Variants in CHIC1 observed in about 807,000 individuals in gnomAD.
CHIC1 encodes the protein cysteine-rich hydrophobic domain-containing protein 1.
A neutral mutation model predicts 18.5 loss-of-function variants in CHIC1; 7 were observed. The observed-to-expected ratio is 0.38, with a 90% CI of 0.22 to 0.71. The LOEUF is 0.71. Among genes scored for constraint, CHIC1 ranks in the 30% least tolerant of loss-of-function variants. The pLI is 0.49. For missense variants in CHIC1, 159 were observed against 176.9 expected, an observed-to-expected ratio of 0.90 and a Z score of 0.57; for synonymous variants, 77 against 73.5, an observed-to-expected ratio of 1.05 and a Z score of -0.25.
chrX:73,628,492 A>G (rs1348854996), intron 3 of CHIC1, among the ~76,000 whole-genome samples: 1 of 111,941 alleles, frequency 8.9e-6, no homozygotes, highest in Non-Finnish European at 1.9e-5. Flanking sequence ...CCCTCTGGCT[A>G]GGGCTGGTTT....
At chrX:73,613,456 T>A (rs1295993991) in intron 3 of CHIC1, among the ~76,000 whole-genome samples, 1 of 111,213 alleles carries the variant, frequency 9.0e-6, no homozygotes, top group Non-Finnish European at 1.9e-5. Context: ...GCTTCCTCTC[T>A]TATCATATGA....
At position 73,563,264 on chromosome X, in the gene CHIC1, C is replaced by G; in HGVS notation, c.-21C>G. 1 of 1,093,085 alleles carries G rather than the reference C, an allele frequency of 9.1e-7. No individual in the cohort carries two copies. Among genetic ancestry groups the G allele is most frequent in the Non-Finnish European group, 1.2e-6 (1 of 835,332 alleles). 90.1% of individuals were successfully genotyped at this position (1,093,085 alleles called of 1,213,427 possible). A position where few individuals can be genotyped will look rare whatever the true frequency, so the allele number is the denominator to read the frequency against. On this transcript the variant is annotated 5_prime_UTR_variant, in exon 1 of 6. Transcript: ENST00000373502. Reference sequence around the variant, plus strand: ...TTCAAACTCTTCTCCGGGAGCGTGGCGGCGATCGCGAGGTCACGTGATGAG... The same window carrying G: ...TTCAAACTCTTCTCCGGGAGCGTGGGGGCGATCGCGAGGTCACGTGATGAG...
chrX:73,638,442 C>T (rs1328378673), intron 3 of CHIC1, among the ~76,000 whole-genome samples: 1 of 111,485 alleles, frequency 9.0e-6, no homozygotes, highest in Admixed American at 9.5e-5. Context: ...ACCAAGAATT[C>T]TGCCATACAT....
rs202116402 is a variant in CHIC1 at position 73,679,401 on chromosome X, A to G, written c.564+19A>G. ...TCACAAGGTAAGAAATTTTAAGCAC[A>G]TAAGTGCCCCATTCATATATTTGCA... On this transcript the variant is annotated intron_variant, in intron 4 of 5. Transcript: ENST00000373502. 1.7e-3 allele frequency: 1,740 copies of G among 1,021,319 alleles called. No individual in the cohort carries two copies. Among genetic ancestry groups the G allele is most frequent in the Non-Finnish European group, 1.9e-3 (1,430 of 734,046 alleles). The allele number at this position is 1,021,319 out of a possible 1,213,427, so 84.2% of individuals were successfully genotyped here.
chrX:73,651,785 A>T (rs1370444689), intron 3 of CHIC1, among the ~76,000 whole-genome samples: 1 of 111,947 alleles, frequency 8.9e-6, no homozygotes, highest in African/African-American at 3.2e-5. Context: ...GATAGGAAGA[A>T]TCAATATCAT....
At chrX:73,638,926 T>A (rs66736416) in intron 3 of CHIC1, among the ~76,000 whole-genome samples, 5,332 of 112,077 alleles carry the variant, frequency 0.048, 320 homozygotes, top group African/African-American at 0.16. Flanking sequence ...CAGTCTACTG[T>A]TGATGGGCAT....
At chrX:73,628,933 T>C (rs1252465357) in intron 3 of CHIC1, among the ~76,000 whole-genome samples, 2 of 111,143 alleles carry the variant, frequency 1.8e-5, no homozygotes, top group African/African-American at 6.6e-5. Context: ...CTCTACTAGC[T>C]TATATTACCA....
In CHIC1 at chrX:73,599,360, T is replaced by G. The variant is rs1337869087; in HGVS notation, c.507+14788T>G. ...AATTAGATCCCATTTGTCAATTTTGTCTTTTGTTGCCATTGCTTTTGGTGT... is the reference window on the plus strand; with the variant it reads ...AATTAGATCCCATTTGTCAATTTTGGCTTTTGTTGCCATTGCTTTTGGTGT... On this transcript the variant is annotated intron_variant, in intron 3 of 5. Coordinates refer to ENST00000373502, the MANE Select transcript of CHIC1 (RefSeq NM_001039840.4). Among the ~76,000 whole-genome samples the G allele has an allele frequency of 1.7e-4, 16 of 95,743 alleles. 1 individual carries two copies. Among genetic ancestry groups the G allele is most frequent in the East Asian group, 7.4e-4 (2 of 2,708 alleles). The allele number at this position is 95,743 out of a possible 115,157, so 83.1% of individuals were successfully genotyped here.
At chrX:73,576,107 A>G (rs1396897513) in intron 1 of CHIC1, among the ~76,000 whole-genome samples, 3 of 109,674 alleles carry the variant, frequency 2.7e-5, no homozygotes, top group Admixed American at 9.7e-5. Flanking sequence ...TTTAGGGACA[A>G]TAATCACGGA....
At chrX:73,646,108 A>C (rs1387771203) in intron 3 of CHIC1, among the ~76,000 whole-genome samples, 1 of 111,664 alleles carries the variant, frequency 9.0e-6, no homozygotes, top group African/African-American at 3.3e-5. Flanking sequence ...CTGCATGTGG[A>C]TATTCAGTTG....
intron 3 of CHIC1, among the ~76,000 whole-genome samples, chrX:73,671,254 A>C (rs990859146): frequency 8.9e-6 from 1 of 111,962 alleles, no homozygotes; most frequent in Non-Finnish European, 1.9e-5. Context: ...CAGTTTGACT[A>C]TGATGTGCCT....
intron 3 of CHIC1, among the ~76,000 whole-genome samples, chrX:73,635,350 G>C (rs980930744): frequency 8.9e-6 from 1 of 112,051 alleles, no homozygotes; most frequent in Non-Finnish European, 1.9e-5. Context: ...TTTCTTTGTA[G>C]TGTGTTTGAA....
chrX:73,663,041 G>A (rs1228048609), intron 3 of CHIC1, among the ~76,000 whole-genome samples: 1 of 111,306 alleles, frequency 9.0e-6, no homozygotes, highest in Non-Finnish European at 1.9e-5. Context: ...TCTCTGTCCT[G>A]TTCTGCAACG....
chrX:73,571,211 A>C (rs776314243), intron 1 of CHIC1, among the ~76,000 whole-genome samples: 4 of 110,670 alleles, frequency 3.6e-5, no homozygotes, highest in African/African-American at 1.3e-4. Flanking sequence ...AGCTGGCAAA[A>C]GCTAAATTAG....
intron 3 of CHIC1, among the ~76,000 whole-genome samples, chrX:73,666,482 T>C (rs1206649579): frequency 8.9e-6 from 1 of 111,992 alleles, no homozygotes; most frequent in East Asian, 2.8e-4. Context: ...TTTTTCTGCC[T>C]GCTTTATATT....
intron 3 of CHIC1, among the ~76,000 whole-genome samples, chrX:73,594,137 C>T (rs932032703): frequency 1.0e-5 from 1 of 96,687 alleles, no homozygotes; most frequent in African/African-American, 3.9e-5. Context: ...TGTACAGGTG[C>T]TTTCCTTTGT....
chrX:73,563,868 G>C (rs1474356847), intron 1 of CHIC1, among the ~76,000 whole-genome samples: 1 of 111,345 alleles, frequency 9.0e-6, no homozygotes, highest in Non-Finnish European at 1.9e-5. Context: ...CTCCTTTCTT[G>C]TATGTATGCT....
At chrX:73,582,207 T>C (rs967728076) in intron 2 of CHIC1, among the ~76,000 whole-genome samples, 7 of 110,983 alleles carry the variant, frequency 6.3e-5, no homozygotes, top group African/African-American at 2.3e-4. Flanking sequence ...TTTAATAATT[T>C]TATGATTTGC....
intron 2 of CHIC1, among the ~76,000 whole-genome samples, chrX:73,579,671 A>G (rs1389795413): frequency 1.8e-5 from 2 of 110,388 alleles, no homozygotes; most frequent in African/African-American, 6.5e-5. Context: ...ATTTTAGGAC[A>G]CAAAGAACCC....
Sources: gnomAD v4.1 joint callset for allele counts (sites outside exome capture counted in the v4.1 genomes callset) on GRCh38, gnomAD v4.1.1 for gene constraint, MANE v1.5 for transcripts, NCBI Gene and HGNC (gene_info 2026-07-23, HGNC 2026-07-21) for gene names.